FGF14: variants seen among roughly 807,000 people sequenced by gnomAD.
FGF14 encodes the protein fibroblast growth factor 14.
FGF14 carries 5 observed loss-of-function variants against 25.5 expected under a neutral mutation model. That is an observed-to-expected ratio of 0.20 (90% confidence interval 0.10 to 0.41). The LOEUF is 0.41. Ranked by LOEUF, FGF14 falls within the 10% of genes least tolerant of loss-of-function variation. The pLI, the probability that FGF14 is intolerant of heterozygous loss-of-function variation, is 1.00. For missense variants in FGF14, 222 were observed against 320.1 expected, an observed-to-expected ratio of 0.69 and a Z score of 2.34; for synonymous variants, 138 against 118.3, an observed-to-expected ratio of 1.17 and a Z score of -1.08.
intron 1 of FGF14, among the ~76,000 whole-genome samples, chr13:102,033,781 G>A (rs966183294): frequency 1.3e-5 from 2 of 152,082 alleles, no homozygotes; most frequent in East Asian, 3.9e-4. Context: ...GCAAAGAATC[G>A]TTTGGTTTCA....
chr13:102,031,499 T>C (rs775047022), intron 1 of FGF14, among the ~76,000 whole-genome samples: 7 of 152,110 alleles, frequency 4.6e-5, no homozygotes, highest in Non-Finnish European at 1.0e-4. Flanking sequence ...TTCTTCCTCT[T>C]ATGCTCAATT....
chr13:102,080,749 G>A (rs1378762202), intron 1 of FGF14, among the ~76,000 whole-genome samples: 1 of 152,214 alleles, frequency 6.6e-6, no homozygotes, highest in African/African-American at 2.4e-5. Flanking sequence ...GATTAGCTGG[G>A]CTCCAGAAGA....
At chr13:101,847,548 A>G (rs951877693) in intron 3 of FGF14, among the ~76,000 whole-genome samples, 1 of 152,128 alleles carries the variant, frequency 6.6e-6, no homozygotes, top group African/African-American at 2.4e-5. Context: ...GTGATTAAGC[A>G]TGTCTGTATA....
intron 1 of FGF14, among the ~76,000 whole-genome samples, chr13:102,294,768 A>C (rs1307183326): frequency 6.6e-6 from 1 of 152,126 alleles, no homozygotes; most frequent in Admixed American, 6.5e-5. Flanking sequence ...ATATAGTTAG[A>C]CTGCCATTGT....
intron 1 of FGF14, among the ~76,000 whole-genome samples, chr13:102,138,669 C>T (rs1001862069): frequency 6.6e-6 from 1 of 151,870 alleles, no homozygotes; most frequent in African/African-American, 2.4e-5. Flanking sequence ...CGAGGAGGCC[C>T]TCAGTGTCCT....
intron 1 of FGF14, among the ~76,000 whole-genome samples, chr13:101,936,217 G>A (rs1359435964): frequency 1.3e-5 from 2 of 152,186 alleles, no homozygotes; most frequent in African/African-American, 4.8e-5. Flanking sequence ...GACCAGCTCA[G>A]GACTCCTTCT....
At chr13:102,333,688 G>A (rs1051323221) in intron 1 of FGF14, among the ~76,000 whole-genome samples, 7 of 152,266 alleles carry the variant, frequency 4.6e-5, no homozygotes, top group South Asian at 2.1e-4. Flanking sequence ...CAGAAAGGAC[G>A]TAAAGTGTCT....
chr13:102,401,561 T>C (rs1199955978), exon 1 of FGF14: 4 of 1,614,024 alleles, frequency 2.5e-6, no homozygotes, highest in East Asian at 2.2e-5. Flanking sequence ...AGAAACCACA[T>C]TGATTTGGGC....
At chr13:101,918,227 G>A (rs1293397183), upstream of FGF14, among the ~76,000 whole-genome samples, 1 of 152,208 alleles carries the variant, frequency 6.6e-6, no homozygotes, top group East Asian at 1.9e-4. Flanking sequence ...GGGAGGTTGG[G>A]AGAGAAACAC....
At chr13:102,014,449 A>G (rs896336159) in intron 1 of FGF14, among the ~76,000 whole-genome samples, 7 of 152,184 alleles carry the variant, frequency 4.6e-5, no homozygotes, top group African/African-American at 1.7e-4. Flanking sequence ...CCAGGAAGTG[A>G]TAAGATTGTG....
intron 1 of FGF14, among the ~76,000 whole-genome samples, chr13:102,120,222 G>C (rs988293914): frequency 1.3e-5 from 2 of 152,194 alleles, no homozygotes; most frequent in African/African-American, 4.8e-5. Context: ...GTGAACCATA[G>C]GGGAAGATAT....
intron 3 of FGF14, among the ~76,000 whole-genome samples, chr13:101,809,267 G>C (rs2041366046): frequency 6.6e-6 from 1 of 152,072 alleles, no homozygotes; most frequent in Non-Finnish European, 1.5e-5. Flanking sequence ...TTGGATTCTA[G>C]AATATTATTT....
rs558168943 is a variant in FGF14, at chr13:102,175,991, C to T, written c.208+225480G>A. ...GTGGGAATGTAAATTAGTACAACCC[C>T]CACGGAAAACAGTATAGAGATTTCT... On this transcript the variant is annotated intron_variant, in intron 1 of 4. Coordinates refer to the FGF14 transcript ENST00000376131. Among the ~76,000 whole-genome samples the T allele has an allele frequency of 2.0e-5, 3 of 151,920 alleles. No individual in the cohort carries two copies. The East Asian group carries it at 5.8e-4, about 29-fold the overall frequency.
intron 1 of FGF14, among the ~76,000 whole-genome samples, chr13:102,119,347 A>T (rs1383220288): frequency 6.6e-6 from 1 of 152,204 alleles, no homozygotes; most frequent in African/African-American, 2.4e-5. Flanking sequence ...GGGAGAGGGT[A>T]ACTAGGGAGA....
chr13:102,251,411 G>T (rs146456765), intron 1 of FGF14, among the ~76,000 whole-genome samples: 306 of 152,258 alleles, frequency 2.0e-3, no homozygotes, highest in African/African-American at 7.0e-3. Flanking sequence ...GGTTCCCCAA[G>T]AACCTTTTCT....
At chr13:101,814,375 G>A (rs1032753356) in intron 3 of FGF14, among the ~76,000 whole-genome samples, 46 of 152,300 alleles carry the variant, frequency 3.0e-4, no homozygotes, top group African/African-American at 1.0e-3. Flanking sequence ...ATAAAATTAT[G>A]CAAAAGCAGT....
At chr13:102,167,099 G>A (rs968565017) in intron 1 of FGF14, among the ~76,000 whole-genome samples, 2 of 151,858 alleles carry the variant, frequency 1.3e-5, no homozygotes, top group African/African-American at 2.4e-5. Flanking sequence ...TCAGGAGTTC[G>A]AGACCAGCCT....
chr13:101,721,414 C>T lies in FGF14; in HGVS notation c.*1417G>A, dbSNP rs1336400631. ...GAAAATAAATGGAATGGACCAAAATCCTCATGGATGAATGTGTTGGTTTGC... is the reference window on the plus strand; with the variant it reads ...GAAAATAAATGGAATGGACCAAAATTCTCATGGATGAATGTGTTGGTTTGC... On this transcript the variant is annotated 3_prime_UTR_variant, in exon 5 of 5. Transcript: ENST00000376143. 1.4e-5 allele frequency: 2 copies of T among 147,446 alleles called. No individual in the cohort carries two copies. Among genetic ancestry groups the T allele is most frequent in the Non-Finnish European group, 3.0e-5 (2 of 66,438 alleles). 9.1% of individuals were successfully genotyped at this position (147,446 alleles called of 1,614,324 possible). A position where few individuals can be genotyped will look rare whatever the true frequency, so the allele number is the denominator to read the frequency against.
chr13:102,309,168 A>ACACACACACACACACACC (rs746190593), intron 1 of FGF14, among the ~76,000 whole-genome samples: 2 of 150,378 alleles, frequency 1.3e-5, no homozygotes, highest in African/African-American at 2.5e-5. Context: ...ACACACACAC[A>ACACACACACACACACACC]TCTCGCACAG....
Sources: gnomAD v4.1 joint callset for allele counts (sites outside exome capture counted in the v4.1 genomes callset) on GRCh38, gnomAD v4.1.1 for gene constraint, MANE v1.5 for transcripts, NCBI Gene and HGNC (gene_info 2026-07-23, HGNC 2026-07-21) for gene names.